Variants in SCTR observed in about 807,000 individuals in gnomAD.
SCTR encodes secretin receptor, also known as pancreatic secretin receptor.
Under a neutral mutation model 60.8 loss-of-function variants are expected in SCTR, and 56 were observed. That is an observed-to-expected ratio of 0.92 (90% CI 0.74 to 1.15). The LOEUF is 1.15. Ranked by LOEUF, SCTR falls within the 50% of genes most tolerant of loss-of-function variation. SCTR has a pLI of 0.00. For missense variants in SCTR, 562 were observed against 550.4 expected (o/e 1.02, Z -0.21); for synonymous variants, 202 against 217.0 (o/e 0.93, Z 0.61).
At chr2:119,460,777 C>T (rs1012455876) in intron 7 of SCTR, among the ~76,000 whole-genome samples, 4 of 152,212 alleles carry the variant, frequency 2.6e-5, no homozygotes, top group African/African-American at 9.7e-5. Context: ...CGCTCTCATT[C>T]TCCCTCTTTC....
intron 11 of SCTR, among the ~76,000 whole-genome samples, chr2:119,444,393 ACATATACGTATGAATATATATACC>A (rs1558831142): frequency 2.1e-4 from 30 of 144,762 alleles, no homozygotes; most frequent in African/African-American, 6.7e-4. Flanking sequence ...ATATATATAC[ACATATACGTATGAATATATATACC>A]CATATACGTA....
chr2:119,466,036 C>T (rs1270180748), intron 4 of SCTR, 150 bp from the exon 5 acceptor site: 3 of 608,668 alleles, frequency 4.9e-6, no homozygotes, highest in African/African-American at 1.8e-5. Flanking sequence ...CACATAACAC[C>T]GTAACATCCT....
At chr2:119,479,369 T>A (rs890994227) in intron 2 of SCTR, 2 of 770,540 alleles carry the variant, frequency 2.6e-6, no homozygotes, top group Middle Eastern at 6.7e-4. Context: ...GGATCCTGCA[T>A]GAATTGGTTT....
At chr2:119,470,398 C>A (rs961999704) in intron 4 of SCTR, among the ~76,000 whole-genome samples, 2 of 151,876 alleles carry the variant, frequency 1.3e-5, no homozygotes, top group Non-Finnish European at 2.9e-5. Context: ...AAACTCGTGC[C>A]AATTTGTGGA....
intron 9 of SCTR, among the ~76,000 whole-genome samples, chr2:119,450,826 G>C (rs1487237036): frequency 6.6e-6 from 1 of 152,154 alleles, no homozygotes; most frequent in Non-Finnish European, 1.5e-5. Flanking sequence ...GCTAGGCGTG[G>C]TGGTGGGAGC....
intron 1 of SCTR, among the ~76,000 whole-genome samples, chr2:119,518,046 C>T (rs1679169092): frequency 6.6e-6 from 1 of 152,186 alleles, no homozygotes; most frequent in African/African-American, 2.4e-5. Context: ...CACACACTCA[C>T]TGGAAATGCC....
intron 1 of SCTR, among the ~76,000 whole-genome samples, chr2:119,509,082 C>T (rs1678852058): frequency 1.3e-5 from 2 of 152,162 alleles, no homozygotes. Context: ...TTTGCTTGGC[C>T]TTGGCCGTGT....
intron 2 of SCTR, 49 bp downstream of exon 2, chr2:119,494,379 G>T: frequency 1.3e-6 from 2 of 1,598,600 alleles, no homozygotes; most frequent in Non-Finnish European, 1.7e-6. Flanking sequence ...AGCAGGACCG[G>T]ACATGCTCCA....
chr2:119,461,810 C>T (rs1485618171), intron 7 of SCTR, 37 bp downstream of exon 7: 1 of 1,566,328 alleles, frequency 6.4e-7, no homozygotes. Flanking sequence ...CCCCTTCCCA[C>T]ATACCATGCA....
intron 1 of SCTR, among the ~76,000 whole-genome samples, chr2:119,504,530 G>T (rs1678666231): frequency 6.6e-6 from 1 of 152,170 alleles, no homozygotes; most frequent in Non-Finnish European, 1.5e-5. Flanking sequence ...GATGGAGGTT[G>T]CAGTGAGCTA....
Position 119,446,747 on chromosome 2 carries a change from C to G in SCTR, c.1140+12G>C. On this transcript the variant is annotated intron_variant, in intron 11 of 12. Coordinates refer to ENST00000019103, the MANE Select transcript of SCTR (RefSeq NM_002980.3). ...CTCTTTTCAGCTGGCAGCCCCAGTC[C>G]TGGAAACTTACCTGGAATGAGCCAA... The G allele has an allele frequency of 1.3e-6, 2 of 1,508,860 alleles. No homozygotes were observed. Among genetic ancestry groups the G allele is most frequent in the Non-Finnish European group, 1.8e-6 (2 of 1,123,286 alleles). The allele number at this position is 1,508,860 out of a possible 1,614,324, so 93.5% of individuals were successfully genotyped here.
In SCTR at chr2:119,524,162, G is replaced by T; in HGVS notation, c.65C>A (p.Ala22Glu). The T allele has an allele frequency of 6.5e-7, 1 of 1,536,182 alleles. No homozygotes were observed. Among genetic ancestry groups the T allele is most frequent in the Non-Finnish European group, 8.8e-7 (1 of 1,139,878 alleles). Reference protein sequence around the residue: ...LLLPVLLACAAHSTGALPRLC... With the variant: ...LLLPVLLACAEHSTGALPRLC... Reference sequence around the variant, plus strand: ...GAAGGGCGCAGTACTCACCGAGTGCGCGGCGCAGGCGAGCAGCACCGGCAG... The same window carrying T: ...GAAGGGCGCAGTACTCACCGAGTGCTCGGCGCAGGCGAGCAGCACCGGCAG... Residue 22 changes from alanine to glutamate, a missense_variant, in exon 1 of 13, where the codon GCG (alanine) becomes GAG (glutamate). By Grantham distance (107) the Ala-to-Glu change is moderately radical. Transcript: ENST00000019103.
rs75341026 is a variant in SCTR, at chr2:119,463,352, C to T, written c.636+771G>A. Among the ~76,000 whole-genome samples the T allele has an allele frequency of 4.9e-3, 745 of 152,238 alleles. 4 individuals carry two copies. The highest frequency in any genetic ancestry group is 7.1e-3 in the Non-Finnish European group (482 of 68,018). ...GCCCAAAAGATAAAAAAATGTTTAA[C>T]GTTTTACCTTTCTCCTTCTTGCCTG... On this transcript the variant is annotated intron_variant, in intron 6 of 12. Transcript: ENST00000019103.
At chr2:119,504,703 A>G (rs1334467634) in intron 1 of SCTR, among the ~76,000 whole-genome samples, 1 of 152,166 alleles carries the variant, frequency 6.6e-6, no homozygotes, top group Non-Finnish European at 1.5e-5. Context: ...TGATCCATAT[A>G]AGAAAAGATT....
At chr2:119,445,865 T>C (rs1312024126) in intron 11 of SCTR, among the ~76,000 whole-genome samples, 1 of 152,260 alleles carries the variant, frequency 6.6e-6, no homozygotes, top group Non-Finnish European at 1.5e-5. Context: ...ATCGTATTTG[T>C]TTCTGTGTAG....
intron 11 of SCTR, among the ~76,000 whole-genome samples, chr2:119,446,269 ACT>A: frequency 6.6e-6 from 1 of 150,712 alleles, no homozygotes; most frequent in African/African-American, 2.4e-5. Context: ...GCTCCTTGAA[ACT>A]CTCTTAACTG....
At chr2:119,451,951 C>T in intron 9 of SCTR, 59 bp downstream of exon 9, 1 of 1,060,796 alleles carries the variant, frequency 9.4e-7, no homozygotes, top group Non-Finnish European at 1.5e-6. Context: ...CCCCTGTGGG[C>T]TGGTCACCAT....
At chr2:119,511,186 G>C (rs1490957799) in intron 1 of SCTR, among the ~76,000 whole-genome samples, 2 of 151,714 alleles carry the variant, frequency 1.3e-5, no homozygotes, top group Non-Finnish European at 2.9e-5. Flanking sequence ...TTGGGTGAAA[G>C]AGCAATCTCT....
At chr2:119,465,495 G>A (rs1387023231) in intron 5 of SCTR, among the ~76,000 whole-genome samples, 1 of 152,190 alleles carries the variant, frequency 6.6e-6, no homozygotes, top group Non-Finnish European at 1.5e-5. Context: ...AATCTCGCTA[G>A]TACTACTGTA....
Sources: gnomAD v4.1 joint callset for allele counts (sites outside exome capture counted in the v4.1 genomes callset) on GRCh38, gnomAD v4.1.1 for gene constraint, MANE v1.5 for transcripts, NCBI Gene and HGNC (gene_info 2026-07-23, HGNC 2026-07-21) for gene names.